Variants in MIPOL1 observed in about 807,000 individuals in gnomAD.
MIPOL1 encodes the protein mirror-image polydactyly gene 1 protein.
In MIPOL1, 57 loss-of-function variants were observed where a neutral mutation model predicts 60.9. The observed-to-expected ratio is 0.94, with a 90% CI of 0.76 to 1.17. MIPOL1 has a LOEUF of 1.17. Ranked by LOEUF, MIPOL1 falls within the 50% of genes most tolerant of loss-of-function variation. The probability of loss-of-function intolerance (pLI) is 0.00; values close to 1 mark genes in which losing one functional copy is unlikely to be tolerated. For missense variants in MIPOL1, 551 were observed against 511.6 expected (o/e 1.08, Z -0.74); for synonymous variants, 179 against 168.8 (o/e 1.06, Z -0.47).
intron 3 of MIPOL1, among the ~76,000 whole-genome samples, chr14:37,250,280 G>T (rs1973874353): frequency 6.6e-6 from 1 of 152,120 alleles, no homozygotes; most frequent in Non-Finnish European, 1.5e-5. Context: ...AGATGCGGTG[G>T]CTTATGCCTG....
At chr14:37,486,377 A>G (rs2094946412) in intron 11 of MIPOL1, among the ~76,000 whole-genome samples, 1 of 152,170 alleles carries the variant, frequency 6.6e-6, no homozygotes. Context: ...TAAGAAAGTC[A>G]ATGGTAGCTT....
intron 12 of MIPOL1, among the ~76,000 whole-genome samples, chr14:37,536,773 T>C (rs1260819908): frequency 6.6e-6 from 1 of 152,186 alleles, no homozygotes; most frequent in East Asian, 1.9e-4. Context: ...GCCCAAACAA[T>C]TGTTACTTTG....
chr14:37,254,105 G>T (rs961478331), intron 3 of MIPOL1, among the ~76,000 whole-genome samples: 1 of 151,766 alleles, frequency 6.6e-6, no homozygotes, highest in African/African-American at 2.4e-5. Context: ...AATACTGGCA[G>T]CTGGCCAGCA....
chr14:37,532,851 T>C (rs1214871293), intron 12 of MIPOL1, among the ~76,000 whole-genome samples: 3 of 152,196 alleles, frequency 2.0e-5, no homozygotes, highest in Admixed American at 6.5e-5. Flanking sequence ...AACATATTAA[T>C]ATGTTTTTTC....
intron 9 of MIPOL1, among the ~76,000 whole-genome samples, chr14:37,324,900 T>G (rs952169300): frequency 6.6e-6 from 1 of 152,128 alleles, no homozygotes; most frequent in Non-Finnish European, 1.5e-5. Context: ...CTTCTAATGA[T>G]CTATTTATCT....
intron 10 of MIPOL1, among the ~76,000 whole-genome samples, chr14:37,410,992 A>G (rs1471189747): frequency 1.3e-5 from 2 of 152,206 alleles, no homozygotes; most frequent in African/African-American, 4.8e-5. Context: ...AAATTTCTTT[A>G]AATGTCAAAG....
At chr14:37,353,698 G>A (rs904685290) in intron 9 of MIPOL1, among the ~76,000 whole-genome samples, 1 of 152,052 alleles carries the variant, frequency 6.6e-6, no homozygotes, top group Non-Finnish European at 1.5e-5. Context: ...TTGCGTAGAG[G>A]TGTTTGTAGT....
rs761246235 is a variant in MIPOL1, at chr14:37,266,970, A to G, written c.52A>G (p.Thr18Ala). The G allele has an allele frequency of 1.9e-6, 3 of 1,613,208 alleles. No individual in the cohort carries two copies. Among genetic ancestry groups the G allele is most frequent in the East Asian group, 2.2e-5 (1 of 44,700 alleles). The change falls in exon 4 of 13, where the codon ACG becomes GCG. Residue 18 changes from threonine (T) to alanine (A), a missense_variant. Physicochemically the swap from Thr to Ala is moderately conservative, Grantham distance 58. Transcript: ENST00000684589. ...ITHSYLEQET[T>A]GINKSTQPDE... ...CCACAGTTATCTTGAACAAGAAACT[A>G]CGGGGATAAATAAAAGTACGCAGCC...
chr14:37,351,487 T>G (rs80259144), intron 9 of MIPOL1, among the ~76,000 whole-genome samples: 108 of 151,848 alleles, frequency 7.1e-4, no homozygotes, highest in East Asian at 4.3e-3. Flanking sequence ...TCGCCACACT[T>G]ACTTCCACAA....
chr14:37,543,529 G>A (rs1309103729), intron 12 of MIPOL1, among the ~76,000 whole-genome samples: 2 of 151,968 alleles, frequency 1.3e-5, no homozygotes, highest in Non-Finnish European at 2.9e-5. Context: ...TGCCCGTCTC[G>A]GCCTCCCAAA....
intron 11 of MIPOL1, among the ~76,000 whole-genome samples, chr14:37,446,622 C>T (rs189362000): frequency 6.6e-6 from 1 of 152,222 alleles, no homozygotes; most frequent in East Asian, 1.9e-4. Flanking sequence ...GACACATGCA[C>T]ACGTATGTTT....
chr14:37,462,554 T>C (rs1289443256), intron 11 of MIPOL1, among the ~76,000 whole-genome samples: 1 of 152,226 alleles, frequency 6.6e-6, no homozygotes, highest in African/African-American at 2.4e-5. Context: ...ACTGTCAGGC[T>C]GCAAATTTTC....
intron 9 of MIPOL1, among the ~76,000 whole-genome samples, chr14:37,353,743 A>G (rs1245944979): frequency 3.9e-5 from 6 of 152,092 alleles, no homozygotes; most frequent in Admixed American, 2.6e-4. Flanking sequence ...CTGTGGGATC[A>G]GTGGTGATAT....
At chr14:37,311,790 C>G (rs1167903585) in intron 9 of MIPOL1, among the ~76,000 whole-genome samples, 1 of 152,154 alleles carries the variant, frequency 6.6e-6, no homozygotes, top group Non-Finnish European at 1.5e-5. Context: ...AGGAAACCAA[C>G]ATTGGTACAT....
intron 1 of MIPOL1, among the ~76,000 whole-genome samples, chr14:37,201,499 A>G (rs554436903): frequency 6.6e-6 from 1 of 152,220 alleles, no homozygotes; most frequent in East Asian, 1.9e-4. Flanking sequence ...AAAAATATGT[A>G]AAAATATATA....
At chr14:37,263,802 T>C (rs1478426098) in intron 3 of MIPOL1, among the ~76,000 whole-genome samples, 1 of 152,218 alleles carries the variant, frequency 6.6e-6, no homozygotes, top group Non-Finnish European at 1.5e-5. Flanking sequence ...CTAAAGAGAG[T>C]TTCCGTTTCA....
At chr14:37,245,142 C>T (rs999768979) in intron 1 of MIPOL1, among the ~76,000 whole-genome samples, 5 of 152,044 alleles carry the variant, frequency 3.3e-5, no homozygotes, top group Non-Finnish European at 5.9e-5. Flanking sequence ...ACACAAATGA[C>T]AGACTATGGG....
At chr14:37,496,656 A>G (rs1485347269) in intron 11 of MIPOL1, among the ~76,000 whole-genome samples, 1 of 151,610 alleles carries the variant, frequency 6.6e-6, no homozygotes, top group Non-Finnish European at 1.5e-5. Flanking sequence ...AAAAGAGGAT[A>G]CAAACAAATG....
intron 1 of MIPOL1, among the ~76,000 whole-genome samples, chr14:37,207,486 GA>G (rs1966271722): frequency 6.6e-6 from 1 of 152,100 alleles, no homozygotes; most frequent in African/African-American, 2.4e-5. Context: ...ATTAATATCA[GA>G]AAAGCTTTAA....
Sources: gnomAD v4.1 joint callset for allele counts (sites outside exome capture counted in the v4.1 genomes callset) on GRCh38, gnomAD v4.1.1 for gene constraint, MANE v1.5 for transcripts, NCBI Gene and HGNC (gene_info 2026-07-23, HGNC 2026-07-21) for gene names.